The following SP140 variants were observed in gnomAD, a reference collection of about 807,000 sequenced individuals.
SP140 encodes the protein SP140 nuclear body protein.
SP140 carries 81 observed loss-of-function variants against 125.0 expected under a neutral mutation model. That is an observed-to-expected ratio of 0.65 (90% CI 0.54 to 0.78). The LOEUF is 0.78. SP140 is among the 30% of genes least tolerant of loss of function. The pLI, the probability that SP140 is intolerant of heterozygous loss-of-function variation, is 0.00. For synonymous variants in SP140, 312 were observed against 354.0 expected, an observed-to-expected ratio of 0.88 and a Z score of 1.33; for missense variants, 858 against 1,037.0, an observed-to-expected ratio of 0.83 and a Z score of 2.37.
intron 1 of SP140, among the ~76,000 whole-genome samples, chr2:230,209,682 G>A (rs2044254086): frequency 1.3e-5 from 2 of 152,176 alleles, no homozygotes; most frequent in Admixed American, 1.3e-4. Flanking sequence ...GTGAATATAG[G>A]AGATTGATTT....
chr2:230,288,268 T>C (rs10185385), intron 18 of SP140, among the ~76,000 whole-genome samples: 1,668 of 152,286 alleles, frequency 0.011, 31 homozygotes, highest in African/African-American at 0.037. Flanking sequence ...AACCCATAAG[T>C]GATTTAACTG....
At chr2:230,204,948 T>G (rs1204723250) in intron 1 of SP140, among the ~76,000 whole-genome samples, 1 of 152,110 alleles carries the variant, frequency 6.6e-6, no homozygotes, top group Non-Finnish European at 1.5e-5. Flanking sequence ...TTCAGAGTGG[T>G]TGACTGGAGT....
intron 7 of SP140, 67 bp downstream of exon 7, chr2:230,246,007 C>T (rs2049392028): frequency 1.1e-6 from 1 of 893,888 alleles, no homozygotes; most frequent in Non-Finnish European, 1.9e-6. Context: ...TCTTTCATCT[C>T]CCTTCCCATT....
At chr2:230,302,774 G>A (rs921576918) in intron 22 of SP140, among the ~76,000 whole-genome samples, 2 of 151,882 alleles carry the variant, frequency 1.3e-5, no homozygotes, top group African/African-American at 4.8e-5. Context: ...AACCAGGCAC[G>A]TACATGGAAA....
At position 230,270,764 on chromosome 2, in the gene SP140, A is replaced by G. The variant is rs569208440; in HGVS notation, c.1498+125A>G. 18 of 935,188 alleles carry G rather than the reference A, an allele frequency of 1.9e-5. No homozygotes were observed. In the South Asian group the frequency reaches 2.5e-4, roughly 13 times the overall value. The allele number at this position is 935,188 out of a possible 1,614,324, so 57.9% of individuals were successfully genotyped here. A position where few individuals can be genotyped will look rare whatever the true frequency, so the allele number is the denominator to read the frequency against. On this transcript the variant is annotated intron_variant, in intron 15 of 26. Coordinates refer to ENST00000392045, the MANE Select transcript of SP140 (RefSeq NM_007237.5). ...TAATACTGTGGTAGACAGAAGGATG[A>G]CCTCCCTAAGATGTCTACCTCCTAA...
intron 7 of SP140, 79 bp from the exon 8 acceptor site, chr2:230,247,837 A>G: frequency 1.4e-6 from 2 of 1,447,020 alleles, no homozygotes; most frequent in Admixed American, 1.9e-5. Context: ...TTTCACTACA[A>G]TCTCCATCAT....
intron 11 of SP140, among the ~76,000 whole-genome samples, chr2:230,253,641 C>T (rs1381860396): frequency 2.6e-5 from 4 of 152,088 alleles, no homozygotes; most frequent in Non-Finnish European, 4.4e-5. Flanking sequence ...CTGCATGGAG[C>T]ATGTAGGGAG....
intron 12 of SP140, among the ~76,000 whole-genome samples, chr2:230,259,168 G>A (rs1198589860): frequency 6.6e-6 from 1 of 152,050 alleles, no homozygotes; most frequent in South Asian, 2.1e-4. Context: ...TTCTTTAGTG[G>A]TGATTTGTGA....
At chr2:230,279,516 A>G (rs1431088765) in intron 15 of SP140, among the ~76,000 whole-genome samples, 2 of 152,170 alleles carry the variant, frequency 1.3e-5, no homozygotes, top group Non-Finnish European at 1.5e-5. Flanking sequence ...ACACTCATGC[A>G]TGTATGTTCA....
rs2059263380 is a variant in SP140 at position 230,310,718 on chromosome 2, T to C, written c.2175-25T>C. 8 of 1,459,430 alleles carry C rather than the reference T, an allele frequency of 5.5e-6. No individual in the cohort carries two copies. The South Asian group carries it at 1.0e-4, about 18-fold the overall frequency. 90.4% of individuals were successfully genotyped at this position (1,459,430 alleles called of 1,614,324 possible). ...GGCCATTTCCAAGCTCCCTGCCCTC[T>C]GCTCACCCATGTCCAATCTCTCAGG... On this transcript the variant is annotated intron_variant, in intron 23 of 26. Coordinates refer to ENST00000392045, the MANE Select transcript of SP140 (RefSeq NM_007237.5).
chr2:230,235,977 C>A (rs1157376494), intron 1 of SP140, among the ~76,000 whole-genome samples: 1 of 150,430 alleles, frequency 6.6e-6, no homozygotes, highest in Non-Finnish European at 1.5e-5. Flanking sequence ...CCTGGGTTCA[C>A]GCCATTCTCC....
At position 230,238,304 on chromosome 2, in the gene SP140, A is replaced by T. The variant is rs749387085; in HGVS notation, c.329A>T (p.His110Leu). 4 of 1,614,016 alleles carry T rather than the reference A, an allele frequency of 2.5e-6. No homozygotes were observed. The highest frequency in any genetic ancestry group is 3.4e-6 in the Non-Finnish European group (4 of 1,179,880). Residue 110 changes from histidine (H) to leucine (L), a missense_variant, in exon 3 of 27, where the codon CAT (histidine) becomes CTT (leucine). Physicochemically the swap from His to Leu is moderately conservative, Grantham distance 99. This residue lies in a region of SP140 where 791 missense variants were observed against 869.5 expected (regional missense o/e 0.91). Transcript: ENST00000392045. ...SELEKTFGWS[H>L]LEALFSRINL... The stretch of plus-strand genomic sequence containing the variant: ...CTGGAGAAGACATTTGGCTGGTCAC[A>T]TCTGGAAGCATTGTTCAGCAGGATT...
the SP140 span, among the ~76,000 whole-genome samples, chr2:230,192,811 A>G: frequency 6.6e-6 from 1 of 152,192 alleles, no homozygotes; most frequent in Non-Finnish European, 1.5e-5. Context: ...ATCTTGGAGA[A>G]TGTTCCATGT....
In SP140 at chr2:230,240,750, G is replaced by A. The variant is rs1368080134; in HGVS notation, c.407-654G>A. Among the ~76,000 whole-genome samples, 3 of 152,254 alleles carry A rather than the reference G, an allele frequency of 2.0e-5. No homozygotes were observed. The South Asian group carries it at 6.2e-4, about 32-fold the overall frequency. ...AACGACCACTTTGGGAAAGTGCCTGGCAATTTCCTATAAAGTTAAATCTAA... is the reference window on the plus strand; with the variant it reads ...AACGACCACTTTGGGAAAGTGCCTGACAATTTCCTATAAAGTTAAATCTAA... On this transcript the variant is annotated intron_variant, in intron 3 of 26. Coordinates refer to ENST00000392045, the MANE Select transcript of SP140 (RefSeq NM_007237.5).
chr2:230,215,135 A>G lies in SP140; in HGVS notation c.-91+1061A>G, dbSNP rs1240155263. On this transcript the variant is annotated intron_variant, in intron 3 of 4. Coordinates refer to the SP140 transcript ENST00000456542. ...CAGAGATTCCTATAAAAATGGAGTGAAGGTTTTTATAAATGACTATAAAAT... is the reference window on the plus strand; with the variant it reads ...CAGAGATTCCTATAAAAATGGAGTGGAGGTTTTTATAAATGACTATAAAAT... The G allele has an allele frequency of 1.9e-6, 3 of 1,604,926 alleles. No individual in the cohort carries two copies. The Admixed American group carries it at 5.0e-5, about 27-fold the overall frequency.
intron 1 of SP140, among the ~76,000 whole-genome samples, chr2:230,235,367 T>A (rs12690536): frequency 2.0e-5 from 3 of 151,874 alleles, no homozygotes; most frequent in African/African-American, 4.8e-5. Flanking sequence ...ATTTCTCATC[T>A]AATTCCTTTC....
At chr2:230,298,649 C>T (rs972933634) in intron 22 of SP140, among the ~76,000 whole-genome samples, 1 of 152,198 alleles carries the variant, frequency 6.6e-6, no homozygotes. Context: ...CCAGTAACAA[C>T]ATTGACTTAT....
At chr2:230,247,858 C>G in intron 7 of SP140, 58 bp from the exon 8 acceptor site, 1 of 1,538,878 alleles carries the variant, frequency 6.5e-7, no homozygotes. Flanking sequence ...GCTCACTAAT[C>G]TAGTGAAATT....
intron 10 of SP140, among the ~76,000 whole-genome samples, chr2:230,252,548 A>C (rs1036421815): frequency 6.6e-6 from 1 of 152,150 alleles, no homozygotes; most frequent in Non-Finnish European, 1.5e-5. Flanking sequence ...ACATGTGTCA[A>C]GCATGAAAAT....
Sources: gnomAD v4.1 joint callset for allele counts (sites outside exome capture counted in the v4.1 genomes callset) on GRCh38, gnomAD v4.1.1 for gene constraint, gnomAD v4.1.1 regional missense constraint, MANE v1.5 for transcripts, NCBI Gene and HGNC (gene_info 2026-07-23, HGNC 2026-07-21) for gene names.